COL6A5: variants seen among roughly 807,000 people sequenced by gnomAD.
COL6A5 encodes the protein collagen type VI alpha 5 chain.
COL6A5 carries 48 observed loss-of-function variants against 65.6 expected under a neutral mutation model. The ratio of observed to expected loss-of-function variants is 0.73; its 90% CI spans 0.58 to 0.93. The LOEUF (loss-of-function observed/expected upper bound fraction) is 0.93, where lower values mean the gene tolerates loss of function less well. Ranked by LOEUF, COL6A5 falls within the 40% of genes least tolerant of loss-of-function variation. The pLI is 0.00. For synonymous variants in COL6A5, 291 were observed against 322.8 expected, an observed-to-expected ratio of 0.90 and a Z score of 1.05; for missense variants, 914 against 928.3, an observed-to-expected ratio of 0.98 and a Z score of 0.20.
At chr3:130,393,947 T>C (rs2107655956) in intron 7 of COL6A5, among the ~76,000 whole-genome samples, 1 of 152,120 alleles carries the variant, frequency 6.6e-6, no homozygotes, top group African/African-American at 2.4e-5. Flanking sequence ...AGCTGGGGAG[T>C]AAGTTCTTCT....
chr3:130,373,994 C>A (rs949007898), intron 2 of COL6A5, among the ~76,000 whole-genome samples: 1 of 152,094 alleles, frequency 6.6e-6, no homozygotes, highest in African/African-American at 2.4e-5. Context: ...GTTTATAGAT[C>A]CATTTGAATC....
intron 7 of COL6A5, 101 bp downstream of exon 40, chr3:130,472,027 A>G: frequency 8.7e-7 from 1 of 1,151,918 alleles, no homozygotes; most frequent in Non-Finnish European, 1.2e-6. Flanking sequence ...AGAGGTAGAG[A>G]TGACAGGATG....
chr3:130,484,609 A>G (rs897572554), exon 8 of COL6A5: 7 of 398,874 alleles, frequency 1.8e-5, no homozygotes, highest in Non-Finnish European at 2.7e-5. Flanking sequence ...TCACCAGGAC[A>G]TTGACAAAAG....
chr3:130,444,918 A>T (rs1161815122), intron 4 of COL6A5, among the ~76,000 whole-genome samples: 1 of 152,228 alleles, frequency 6.6e-6, no homozygotes, highest in South Asian at 2.1e-4. Flanking sequence ...CAGTCTTGTT[A>T]TAGGAATACG....
chr3:130,444,818 C>G (rs570111787), intron 4 of COL6A5, among the ~76,000 whole-genome samples: 2 of 152,130 alleles, frequency 1.3e-5, no homozygotes, highest in Admixed American at 1.3e-4. Context: ...TGAGAGGATT[C>G]AAAAATTTGT....
At chr3:130,346,245 G>A (rs1559849381) in intron 1 of COL6A5, among the ~76,000 whole-genome samples, 1 of 152,186 alleles carries the variant, frequency 6.6e-6, no homozygotes, top group Non-Finnish European at 1.5e-5. Flanking sequence ...TGTTAGAAAT[G>A]CAAATTCCTG....
chr3:130,425,339 C>T (rs1356949741), intron 29 of COL6A5, among the ~76,000 whole-genome samples: 1 of 152,098 alleles, frequency 6.6e-6, no homozygotes, highest in Admixed American at 6.6e-5. Context: ...TCATTTAGAA[C>T]AGAGGTTCTT....
chr3:130,468,494 C>A (rs1709869848), intron 5 of COL6A5, among the ~76,000 whole-genome samples: 1 of 152,132 alleles, frequency 6.6e-6, no homozygotes, highest in South Asian at 2.1e-4. Context: ...GAGTGTTTCT[C>A]AACTTGCATA....
intron 4 of COL6A5, among the ~76,000 whole-genome samples, chr3:130,453,452 C>T (rs1709495325): frequency 6.6e-6 from 1 of 152,072 alleles, no homozygotes; most frequent in Non-Finnish European, 1.5e-5. Context: ...TTTTTTATAG[C>T]ACTGCTGAGG....
intron 6 of COL6A5, among the ~76,000 whole-genome samples, chr3:130,390,769 C>A (rs1280450977): frequency 6.6e-6 from 1 of 152,210 alleles, no homozygotes; most frequent in Non-Finnish European, 1.5e-5. Context: ...AGCTCCTGAG[C>A]TTTTCGAAAT....
chr3:130,449,519 G>A (rs979853185), intron 4 of COL6A5, among the ~76,000 whole-genome samples: 2 of 152,100 alleles, frequency 1.3e-5, no homozygotes, highest in African/African-American at 4.8e-5. Context: ...AACTTCCTCA[G>A]CCTTTCCAAC....
exon 7 of COL6A5, chr3:130,391,594 A>G (rs191823130): frequency 2.6e-4 from 400 of 1,551,704 alleles, no homozygotes; most frequent in Non-Finnish European, 3.4e-4. Flanking sequence ...TGAGAAACAA[A>G]GGCATCACCA....
At chr3:130,392,372 C>T (rs1437408141) in intron 7 of COL6A5, among the ~76,000 whole-genome samples, 1 of 152,106 alleles carries the variant, frequency 6.6e-6, no homozygotes, top group Non-Finnish European at 1.5e-5. Flanking sequence ...TACCAGCTAC[C>T]ATTGGGGTTG....
chr3:130,416,721 C>T lies in COL6A5; in HGVS notation c.4825-36C>T, dbSNP rs371264871. The T allele has an allele frequency of 9.0e-5, 109 of 1,205,800 alleles. 1 individual carries two copies. Among genetic ancestry groups the T allele is most frequent in the Admixed American group, 5.0e-4 (23 of 46,136 alleles). The allele number at this position is 1,205,800 out of a possible 1,614,324, so 74.7% of individuals were successfully genotyped here. ...CTAATGGGCTTTCTAAGAATTACTA[C>T]GGTGCCAACATTTTAGTCTCTAATT... On this transcript the variant is annotated intron_variant and NMD_transcript_variant, in intron 23 of 41. Transcript: ENST00000312481.
Position 130,473,489 on chromosome 3 carries a change from A to G in COL6A5, c.2328+2522A>G, listed in dbSNP as rs72986390. ...GCTTTGAAGGCAGGCATCAGTTGGC[A>G]GCTAAGTGGAAAGCTAGACACTTAA... On this transcript the variant is annotated intron_variant, in intron 7 of 7. Coordinates refer to ENST00000512836, the Ensembl canonical transcript of COL6A5. Among the ~76,000 whole-genome samples the G allele has an allele frequency of 8.6e-3, 1,305 of 152,210 alleles. 13 individuals are homozygous for G. Among genetic ancestry groups the G allele is most frequent in the African/African-American group, 0.03 (1,234 of 41,534 alleles).
rs1937124857 is a variant in COL6A5 at position 130,410,082 on chromosome 3, GATCTGTTTT to G, written c.4608+13_4608+21del. 1.9e-6 allele frequency: 3 copies of G among 1,539,692 alleles called. No homozygotes were observed. In the African/African-American group the frequency reaches 4.1e-5, roughly 21 times the overall value. The stretch of plus-strand genomic sequence containing the variant: ...GGAGAACAAGGAAGACAAGTAATTT[GATCTGTTTT>G]ATCTATGAGTTGATTAATTCTGTTA... On this transcript the variant is annotated intron_variant and NMD_transcript_variant, in intron 19 of 41. Transcript: ENST00000312481.
At chr3:130,462,019 G>T (rs1002314966) in intron 5 of COL6A5, among the ~76,000 whole-genome samples, 2 of 152,008 alleles carry the variant, frequency 1.3e-5, no homozygotes, top group Non-Finnish European at 2.9e-5. Context: ...TGAATTCTAA[G>T]TCTTCGGAGA....
chr3:130,391,267 C>T lies in COL6A5; in HGVS notation c.2505C>T (p.Asn835=), dbSNP rs1008686786. The change falls in exon 7 of 42, where the codon AAC becomes AAT. Residue 835 remains asparagine, a synonymous_variant and NMD_transcript_variant. Coordinates refer to the COL6A5 transcript ENST00000312481. Reference sequence around the variant, plus strand: ...AACAATATCAAGATCACATGATTAACCTAACTATCCATTTGGTGAAGAAAG... The same window carrying T: ...AACAATATCAAGATCACATGATTAATCTAACTATCCATTTGGTGAAGAAAG... 11 of 1,551,648 alleles carry T rather than the reference C, an allele frequency of 7.1e-6. No individual in the cohort carries two copies. The South Asian group carries it at 1.3e-4, about 18-fold the overall frequency.
Position 130,401,228 on chromosome 3 carries a change from G to C in COL6A5, c.4134+55G>C, listed in dbSNP as rs1936806260. On this transcript the variant is annotated intron_variant and NMD_transcript_variant, in intron 11 of 41. Coordinates refer to the COL6A5 transcript ENST00000312481. ...TCAAAATGCCATGGGAACTAAATTG[G>C]AATCTTGATGAGAACTTTCAAAGAC... 4 of 1,437,738 alleles carry C rather than the reference G, an allele frequency of 2.8e-6. No homozygotes were observed. The East Asian group carries it at 1.0e-4, about 36-fold the overall frequency. The allele number at this position is 1,437,738 out of a possible 1,614,324, so 89.1% of individuals were successfully genotyped here.
Sources: gnomAD v4.1 joint callset for allele counts (sites outside exome capture counted in the v4.1 genomes callset) on GRCh38, gnomAD v4.1.1 for gene constraint, MANE v1.5 for transcripts, NCBI Gene and HGNC (gene_info 2026-07-23, HGNC 2026-07-21) for gene names.